ERBB4: variants seen among roughly 807,000 people sequenced by gnomAD.
The protein encoded by ERBB4 is erb-b2 receptor tyrosine kinase 4, also known as receptor tyrosine-protein kinase erbB-4.
Under a neutral mutation model 158.0 loss-of-function variants are expected in ERBB4, and 42 were observed. The ratio of observed to expected loss-of-function variants is 0.27; its 90% confidence interval spans 0.21 to 0.34. ERBB4 has a LOEUF of 0.34. Among genes scored for constraint, ERBB4 ranks in the 10% least tolerant of loss-of-function variants. The pLI is 1.00. For synonymous variants in ERBB4, 583 were observed against 558.7 expected, an observed-to-expected ratio of 1.04 and a Z score of -0.61; for missense variants, 1,333 against 1,624.1, an observed-to-expected ratio of 0.82 and a Z score of 3.08.
At chr2:211,671,568 T>C (rs1471553340) in intron 14 of ERBB4, among the ~76,000 whole-genome samples, 3 of 152,136 alleles carry the variant, frequency 2.0e-5, no homozygotes, top group Non-Finnish European at 4.4e-5. Context: ...TTTTGAAAAG[T>C]GTTTCTGTAA....
intron 1 of ERBB4, among the ~76,000 whole-genome samples, chr2:212,462,784 CA>C (rs1688640475): frequency 1.3e-5 from 2 of 152,036 alleles, no homozygotes; most frequent in Admixed American, 1.3e-4. Flanking sequence ...ATCAGTAAGC[CA>C]AAAACATATG....
chr2:211,709,407 A>G (rs1391855639), intron 9 of ERBB4, among the ~76,000 whole-genome samples: 3 of 151,612 alleles, frequency 2.0e-5, no homozygotes, highest in Non-Finnish European at 4.4e-5. Context: ...TCTGAACCTC[A>G]CTAGATAGAA....
intron 1 of ERBB4, among the ~76,000 whole-genome samples, chr2:212,207,170 G>A (rs1458361586): frequency 6.6e-6 from 1 of 151,970 alleles, no homozygotes; most frequent in Non-Finnish European, 1.5e-5. Context: ...AATCATAAAT[G>A]ATCAGTGATG....
intron 4 of ERBB4, among the ~76,000 whole-genome samples, chr2:211,785,075 T>C (rs2076125243): frequency 6.6e-6 from 1 of 151,770 alleles, no homozygotes. Context: ...CTGTTGATTG[T>C]ACCTTTTGAT....
chr2:212,056,107 TG>T (rs1383958259), intron 2 of ERBB4, among the ~76,000 whole-genome samples: 1 of 152,194 alleles, frequency 6.6e-6, no homozygotes, highest in Non-Finnish European at 1.5e-5. Context: ...CTGAAAAACA[TG>T]GCACGAGAAC....
chr2:212,510,570 A>T (rs1691461797), intron 1 of ERBB4, among the ~76,000 whole-genome samples: 1 of 152,078 alleles, frequency 6.6e-6, no homozygotes, highest in Non-Finnish European at 1.5e-5. Flanking sequence ...TAAATAAAAC[A>T]TCATGTCATG....
At chr2:211,852,386 C>T (rs963265952) in intron 3 of ERBB4, among the ~76,000 whole-genome samples, 1 of 151,852 alleles carries the variant, frequency 6.6e-6, no homozygotes, top group African/African-American at 2.4e-5. Flanking sequence ...GAAAACACTA[C>T]CCTATATAAA....
chr2:211,725,248 A>C, intron 5 of ERBB4, 54 bp from the exon 6 acceptor site: 36 of 1,353,256 alleles, frequency 2.7e-5, no homozygotes, highest in Non-Finnish European at 3.5e-5. Flanking sequence ...GGAGAAACTC[A>C]TAAGCTGAGT....
intron 1 of ERBB4, among the ~76,000 whole-genome samples, chr2:212,164,944 G>A (rs1208044901): frequency 6.6e-6 from 1 of 151,928 alleles, no homozygotes; most frequent in African/African-American, 2.4e-5. Flanking sequence ...GGACAAACTT[G>A]ACTTTGAAGA....
intron 1 of ERBB4, among the ~76,000 whole-genome samples, chr2:212,366,146 A>G (rs1317606094): frequency 1.1e-4 from 16 of 151,886 alleles, no homozygotes; most frequent in Non-Finnish European, 2.4e-4. Flanking sequence ...CTGCTCAGAG[A>G]CCATTTACAT....
intron 20 of ERBB4, among the ~76,000 whole-genome samples, chr2:211,482,470 T>A (rs1212507148): frequency 6.6e-6 from 1 of 152,162 alleles, no homozygotes; most frequent in Non-Finnish European, 1.5e-5. Context: ...TAACTCAGCA[T>A]CTCAGAAGAA....
At chr2:211,387,184 C>T (rs370663049) in intron 26 of ERBB4, 34 bp from the exon 27 acceptor site, 97 of 1,505,464 alleles carry the variant, frequency 6.4e-5, no homozygotes, top group Middle Eastern at 1.8e-4. Flanking sequence ...GGAGAGAAGG[C>T]GTTGTTAGAA....
At chr2:212,504,296 A>G (rs1691061865) in intron 1 of ERBB4, among the ~76,000 whole-genome samples, 1 of 151,912 alleles carries the variant, frequency 6.6e-6, no homozygotes, top group African/African-American at 2.4e-5. Context: ...TATTTATTAA[A>G]TTGTATTTAT....
At chr2:211,452,533 G>GTA (rs2064275466) in intron 20 of ERBB4, among the ~76,000 whole-genome samples, 1 of 151,962 alleles carries the variant, frequency 6.6e-6, no homozygotes, top group Admixed American at 6.6e-5. Flanking sequence ...AAATCACTAT[G>GTA]TATACTCTTT....
chr2:211,847,308 T>C (rs977509721), intron 3 of ERBB4, among the ~76,000 whole-genome samples: 10 of 152,152 alleles, frequency 6.6e-5, no homozygotes, highest in Non-Finnish European at 1.5e-4. Context: ...AGTCCTATAT[T>C]CAGTCAACAA....
At chr2:211,969,348 A>G (rs971730365) in intron 2 of ERBB4, among the ~76,000 whole-genome samples, 2 of 152,040 alleles carry the variant, frequency 1.3e-5, no homozygotes, top group Non-Finnish European at 2.9e-5. Context: ...AAACGTTCCA[A>G]GTTCTTCAAT....
chr2:211,717,295 G>C (rs985541940), intron 7 of ERBB4, among the ~76,000 whole-genome samples: 4 of 152,206 alleles, frequency 2.6e-5, no homozygotes, highest in African/African-American at 9.6e-5. Context: ...TGACATATAG[G>C]GTGACTTTAG....
At chr2:211,509,103 T>G (rs2065825476) in intron 20 of ERBB4, among the ~76,000 whole-genome samples, 2 of 151,992 alleles carry the variant, frequency 1.3e-5, no homozygotes, top group African/African-American at 4.8e-5. Context: ...AAACACCGCA[T>G]GTTCTCACTC....
intron 19 of ERBB4, among the ~76,000 whole-genome samples, chr2:211,587,193 CAA>C (rs397806638): frequency 3.8e-5 from 5 of 131,970 alleles, no homozygotes; most frequent in Non-Finnish European, 3.3e-5. Flanking sequence ...TCTCTACTTA[CAA>C]AAAAAAAAAA....
Sources: allele counts gnomAD v4.1 joint callset (sites outside exome capture counted in the v4.1 genomes callset), GRCh38; gene constraint gnomAD v4.1.1; transcripts MANE v1.5; gene names NCBI Gene and HGNC (gene_info 2026-07-23, HGNC 2026-07-21).